The following CNTNAP4 variants were observed in gnomAD, a reference collection of about 807,000 sequenced individuals.
CNTNAP4 encodes contactin-associated protein-like 4.
CNTNAP4 carries 98 observed loss-of-function variants against 148.4 expected under a neutral mutation model. The observed-to-expected ratio is 0.66, with a 90% CI of 0.56 to 0.78. CNTNAP4 has a LOEUF of 0.78. Ranked by LOEUF, CNTNAP4 falls within the 30% of genes least tolerant of loss-of-function variation. The pLI is 0.00. For synonymous variants in CNTNAP4, 730 were observed against 565.1 expected (o/e 1.29, Z -4.14); for missense variants, 1,935 against 1,565.6 (o/e 1.24, Z -3.98).
At chr16:76,301,314 T>C (rs1959944515) in intron 1 of CNTNAP4, among the ~76,000 whole-genome samples, 1 of 152,190 alleles carries the variant, frequency 6.6e-6, no homozygotes, top group Non-Finnish European at 1.5e-5. Context: ...CTGATGATTT[T>C]AAGTTCTAAA....
chr16:76,535,869 G>GAAAAAAA, intron 18 of CNTNAP4, 85 bp downstream of exon 18: 2 of 1,436,282 alleles, frequency 1.4e-6, no homozygotes, highest in Admixed American at 2.4e-5. Flanking sequence ...GCAGCTATTT[G>GAAAAAAA]AAACAAAAAA....
intron 2 of CNTNAP4, among the ~76,000 whole-genome samples, chr16:76,321,716 G>A (rs1411974905): frequency 6.6e-6 from 1 of 150,534 alleles, no homozygotes; most frequent in African/African-American, 2.4e-5. Flanking sequence ...ATGAACCCGG[G>A]AGGTGGAGGT....
At position 76,328,916 on chromosome 16, in the gene CNTNAP4, C is replaced by T. The variant is rs557102505; in HGVS notation, c.196+12393C>T. Among the ~76,000 whole-genome samples, 15 of 152,218 alleles carry T rather than the reference C, an allele frequency of 9.9e-5. No homozygotes were observed. In the East Asian group the frequency reaches 2.3e-3, roughly 24 times the overall value. The stretch of plus-strand genomic sequence containing the variant: ...TGCCTCAGCCGCCCAAAGTGCTGGG[C>T]GTGAGCCACTGTGCCTGGCACCTGT... On this transcript the variant is annotated intron_variant, in intron 2 of 23. Coordinates refer to ENST00000611870, the MANE Select transcript of CNTNAP4 (RefSeq NM_033401.5).
chr16:76,488,351 G>A (rs931370178), intron 12 of CNTNAP4, among the ~76,000 whole-genome samples: 4 of 152,134 alleles, frequency 2.6e-5, no homozygotes, highest in Middle Eastern at 3.2e-3. Context: ...ACTGTTGAAG[G>A]GTGAACTGAA....
chr16:76,374,476 A>G (rs2015200336), intron 3 of CNTNAP4, among the ~76,000 whole-genome samples: 1 of 152,170 alleles, frequency 6.6e-6, no homozygotes, highest in African/African-American at 2.4e-5. Context: ...ACATGAATTA[A>G]TTAAACTCAC....
chr16:76,407,299 C>A (rs2078629170), intron 3 of CNTNAP4, among the ~76,000 whole-genome samples: 2 of 152,054 alleles, frequency 1.3e-5, no homozygotes, highest in Non-Finnish European at 2.9e-5. Context: ...GGATTACAGG[C>A]AAGAGCCACT....
intron 3 of CNTNAP4, among the ~76,000 whole-genome samples, chr16:76,383,867 A>G (rs1355016003): frequency 6.6e-6 from 1 of 152,140 alleles, no homozygotes; most frequent in African/African-American, 2.4e-5. Context: ...TTCGTCTCTG[A>G]AGGTAGATGT....
chr16:76,297,133 A>G (rs1438685176), intron 1 of CNTNAP4, among the ~76,000 whole-genome samples: 1 of 152,224 alleles, frequency 6.6e-6, no homozygotes, highest in Non-Finnish European at 1.5e-5. Context: ...GGACATCAGA[A>G]TTGCAAGTAC....
intron 16 of CNTNAP4, 48 bp from the exon 17 acceptor site, chr16:76,521,991 T>C: frequency 6.4e-7 from 1 of 1,563,000 alleles, no homozygotes; most frequent in Middle Eastern, 1.7e-4. Flanking sequence ...GACTCGGCAC[T>C]TCGCCATAGG....
intron 3 of CNTNAP4, among the ~76,000 whole-genome samples, chr16:76,369,797 G>A (rs988675085): frequency 2.0e-5 from 3 of 152,176 alleles, no homozygotes; most frequent in South Asian, 2.1e-4. Context: ...AGCTGAGATT[G>A]TGCCACTGTA....
chr16:76,389,991 T>G (rs2144757663), intron 3 of CNTNAP4, among the ~76,000 whole-genome samples: 1 of 152,228 alleles, frequency 6.6e-6, no homozygotes, highest in Non-Finnish European at 1.5e-5. Context: ...GGGAAAGTAG[T>G]TAATAAGGTT....
intron 3 of CNTNAP4, among the ~76,000 whole-genome samples, chr16:76,393,513 C>T (rs1441117671): frequency 6.6e-6 from 1 of 152,112 alleles, no homozygotes; most frequent in Non-Finnish European, 1.5e-5. Flanking sequence ...GAATGAGACA[C>T]AGTCCTGGGC....
chr16:76,491,653 T>C (rs1027990394), intron 13 of CNTNAP4, among the ~76,000 whole-genome samples: 1 of 152,136 alleles, frequency 6.6e-6, no homozygotes, highest in Non-Finnish European at 1.5e-5. Context: ...AGAAGAAGAA[T>C]GGTAATTATG....
At chr16:76,504,159 A>G (rs920679036) in intron 15 of CNTNAP4, among the ~76,000 whole-genome samples, 5 of 152,138 alleles carry the variant, frequency 3.3e-5, no homozygotes, top group African/African-American at 7.2e-5. Flanking sequence ...TGAAAAATAT[A>G]AACAAAGTTT....
In CNTNAP4 at chr16:76,363,413, T is replaced by C. The variant is rs13330023; in HGVS notation, c.390+7902T>C. Among the ~76,000 whole-genome samples, 763 of 152,148 alleles carry C rather than the reference T, an allele frequency of 5.0e-3. 7 individuals carry two copies. Among genetic ancestry groups the C allele is most frequent in the African/African-American group, 0.018 (727 of 41,512 alleles). ...CCTACCTTAGGCAATCCACCCACCTTGGCCTCCCAAAGTGCTGAGATTACA... is the reference window on the plus strand; with the variant it reads ...CCTACCTTAGGCAATCCACCCACCTCGGCCTCCCAAAGTGCTGAGATTACA... On this transcript the variant is annotated intron_variant, in intron 3 of 23. Transcript: ENST00000611870.
intron 3 of CNTNAP4, among the ~76,000 whole-genome samples, chr16:76,401,171 C>G (rs1261583190): frequency 6.6e-6 from 1 of 152,078 alleles, no homozygotes; most frequent in Non-Finnish European, 1.5e-5. Flanking sequence ...TATCTATGAG[C>G]ATGGAATGTT....
intron 3 of CNTNAP4, among the ~76,000 whole-genome samples, chr16:76,425,402 T>C (rs2079351136): frequency 6.6e-6 from 1 of 152,192 alleles, no homozygotes; most frequent in Non-Finnish European, 1.5e-5. Context: ...ACATTCAACA[T>C]ATATTTTATT....
At position 76,489,799 on chromosome 16, in the gene CNTNAP4, C is replaced by T; in HGVS notation, c.1996C>T (p.Leu666Phe). 6.2e-7 allele frequency: 1 copy of T among 1,606,904 alleles called. No individual in the cohort carries two copies. Among genetic ancestry groups the T allele is most frequent in the Non-Finnish European group, 8.5e-7 (1 of 1,176,410 alleles). ...CGAGTATGTGGCCAGCATGGAGCAA[C>T]TTCAGGCCACTATTAACCGTGCAGA... is the stretch of plus-strand genomic sequence containing the variant. ...FFEYVASMEQ[L>F]QATINRAEHC... The change falls in exon 13 of 24, where the codon CTT (leucine) becomes TTT (phenylalanine). Residue 666 changes from leucine to phenylalanine, a missense_variant. Coordinates refer to ENST00000611870, the MANE Select transcript of CNTNAP4 (RefSeq NM_033401.5).
chr16:76,277,515 CG>C lies in CNTNAP4; in HGVS notation c.-146del, dbSNP rs1294327717. On this transcript the variant is annotated 5_prime_UTR_variant, in exon 1 of 24. Coordinates refer to ENST00000611870, the MANE Select transcript of CNTNAP4 (RefSeq NM_033401.5). ...AGAGGGAGGAGGGAAGAAGAAAAGA[CG>C]GAGGGAGGTGAGGAGGAAGGGAGGG... is the stretch of plus-strand genomic sequence containing the variant. The C allele has an allele frequency of 6.8e-6, 4 of 585,976 alleles. No individual in the cohort carries two copies. The African/African-American group carries it at 7.6e-5, about 11-fold the overall frequency. 36.3% of individuals were successfully genotyped at this position (585,976 alleles called of 1,614,324 possible).
Sources: allele counts gnomAD v4.1 joint callset (sites outside exome capture counted in the v4.1 genomes callset), GRCh38; gene constraint gnomAD v4.1.1; transcripts MANE v1.5; gene names NCBI Gene and HGNC (gene_info 2026-07-23, HGNC 2026-07-21).